IFI16: variants seen among roughly 807,000 people sequenced by gnomAD.
The protein encoded by IFI16 is interferon gamma inducible protein 16.
Under a neutral mutation model 68.4 loss-of-function variants are expected in IFI16, and 49 were observed. The observed-to-expected ratio is 0.72, with a 90% CI of 0.57 to 0.91. The LOEUF (loss-of-function observed/expected upper bound fraction) is 0.91, where lower values mean the gene tolerates loss of function less well. IFI16 is among the 40% of genes least tolerant of loss of function. The pLI is 0.00. For synonymous variants in IFI16, 307 were observed against 315.0 expected, an observed-to-expected ratio of 0.97 and a Z score of 0.27; for missense variants, 878 against 942.9, an observed-to-expected ratio of 0.93 and a Z score of 0.90.
At position 159,052,269 on chromosome 1, in the gene IFI16, G is replaced by A. The variant is rs1655413645; in HGVS notation, c.2085+171G>A. On this transcript the variant is annotated intron_variant, in intron 10 of 11. Transcript: ENST00000295809. Reference sequence around the variant, plus strand: ...GAGTTCATTTCAGGATATGGGGTACGTTATATTGTAACATTCCTCTTCTTA... The same window carrying A: ...GAGTTCATTTCAGGATATGGGGTACATTATATTGTAACATTCCTCTTCTTA... 16 of 592,064 alleles carry A rather than the reference G, an allele frequency of 2.7e-5. No homozygotes were observed. In the East Asian group the frequency reaches 3.3e-4, roughly 12 times the overall value. 36.7% of individuals were successfully genotyped at this position (592,064 alleles called of 1,614,324 possible).
chr1:159,007,349 T>C (rs543548275), upstream of IFI16, among the ~76,000 whole-genome samples: 1 of 152,182 alleles, frequency 6.6e-6, no homozygotes, highest in African/African-American at 2.4e-5. Flanking sequence ...TGTAAAGAAA[T>C]AATGAAGAAA....
chr1:159,049,371 T>A, intron 8 of IFI16, 61 bp from the exon 9 acceptor site: 1 of 819,978 alleles, frequency 1.2e-6, no homozygotes, highest in South Asian at 1.9e-5. Context: ...AAAAGATGTG[T>A]TTCATCTGAT....
chr1:159,052,362 T>G lies in IFI16; in HGVS notation c.2085+264T>G, dbSNP rs2051452. The G allele has an allele frequency of 1.9e-3, 853 of 455,678 alleles. 9 individuals carry two copies. The highest frequency in any genetic ancestry group is 0.014 in the African/African-American group (697 of 51,380). 28.2% of individuals were successfully genotyped at this position (455,678 alleles called of 1,614,324 possible). A position where few individuals can be genotyped will look rare whatever the true frequency, so the allele number is the denominator to read the frequency against. On this transcript the variant is annotated intron_variant, in intron 10 of 11. Coordinates refer to ENST00000295809, the MANE Select transcript of IFI16 (RefSeq NM_001376587.1). Reference sequence around the variant, plus strand: ...TGGCATTTTATTAGTTTTGATGATCTATTCAGAGCCACCCTTGTCCAGGAC... The same window carrying G: ...TGGCATTTTATTAGTTTTGATGATCGATTCAGAGCCACCCTTGTCCAGGAC...
chr1:159,046,297 G>A (rs1211022938), intron 8 of IFI16, among the ~76,000 whole-genome samples: 1 of 151,036 alleles, frequency 6.6e-6, no homozygotes, highest in East Asian at 1.9e-4. Context: ...TAATGTCATG[G>A]CTATTGTAAG....
chr1:159,029,804 C>G (rs1417741604), intron 6 of IFI16, among the ~76,000 whole-genome samples: 1 of 151,808 alleles, frequency 6.6e-6, no homozygotes, highest in African/African-American at 2.4e-5. Flanking sequence ...GCTTAGCCTC[C>G]CAAGTAGCTG....
At chr1:159,025,181 C>G (rs536312012) in intron 6 of IFI16, among the ~76,000 whole-genome samples, 1 of 152,238 alleles carries the variant, frequency 6.6e-6, no homozygotes, top group African/African-American at 2.4e-5. Flanking sequence ...TGACGCCTCC[C>G]GCTCCATTCC....
At position 159,051,817 on chromosome 1, in the gene IFI16, G is replaced by A. The variant is rs1371843953; in HGVS notation, c.1804G>A (p.Ala602Thr). 6.2e-7 allele frequency: 1 copy of A among 1,614,102 alleles called. No individual in the cohort carries two copies. The highest frequency in any genetic ancestry group is 8.5e-7 in the Non-Finnish European group (1 of 1,179,954). Residue 602 changes from alanine (A) to threonine (T), a missense_variant, in exon 10 of 12, where the codon GCC (alanine) becomes ACC (threonine). This residue lies in a region of IFI16 where 311 missense variants were observed against 305.1 expected (regional missense o/e 1.02). Coordinates refer to ENST00000295809, the MANE Select transcript of IFI16 (RefSeq NM_001376587.1). The part of the protein sequence containing the change: ...EPKEQKKMFH[A>T]TVATENEVFR... ...CAAAGAGCAGAAGAAAATGTTTCAT[G>A]CCACAGTGGCAACTGAGAATGAAGT...
intron 6 of IFI16, among the ~76,000 whole-genome samples, chr1:159,026,187 T>C (rs1653656667): frequency 6.8e-6 from 1 of 147,452 alleles, no homozygotes; most frequent in Non-Finnish European, 1.5e-5. Flanking sequence ...TCCATATGAA[T>C]TTTAGGATTT....
At chr1:159,020,248 C>A in intron 5 of IFI16, 93 bp from the exon 6 acceptor site, 1 of 848,168 alleles carries the variant, frequency 1.2e-6, no homozygotes, top group Non-Finnish European at 1.9e-6. Flanking sequence ...TGCTGTTGTG[C>A]ATCTTGTTTA....
chr1:159,013,535 A>C (rs1335842738), intron 1 of IFI16, among the ~76,000 whole-genome samples: 3 of 152,168 alleles, frequency 2.0e-5, no homozygotes, highest in Non-Finnish European at 4.4e-5. Context: ...AAATTAAAAA[A>C]TTCATTAATT....
At chr1:159,049,218 G>T (rs1024574601) in intron 8 of IFI16, among the ~76,000 whole-genome samples, 2 of 148,498 alleles carry the variant, frequency 1.3e-5, no homozygotes, top group African/African-American at 5.1e-5. Flanking sequence ...TGCAATTTCA[G>T]TTATCTGAGT....
intron 7 of IFI16, among the ~76,000 whole-genome samples, chr1:159,043,735 G>A (rs1283668906): frequency 6.6e-6 from 1 of 152,038 alleles, no homozygotes; most frequent in Admixed American, 6.6e-5. Context: ...AACAGGGTAG[G>A]GTAGAGGAGG....
At chr1:159,007,671 G>C (rs1449354460), upstream of IFI16, among the ~76,000 whole-genome samples, 1 of 152,112 alleles carries the variant, frequency 6.6e-6, no homozygotes, top group East Asian at 1.9e-4. Context: ...CTCATAATGT[G>C]ATTAGCACCC....
At chr1:159,046,371 A>G (rs1448915642) in intron 8 of IFI16, among the ~76,000 whole-genome samples, 1 of 151,262 alleles carries the variant, frequency 6.6e-6, no homozygotes, top group South Asian at 2.1e-4. Context: ...AATTGGCCAC[A>G]TTGATGAGTT....
At chr1:159,033,732 A>G (rs1051044723) in intron 7 of IFI16, among the ~76,000 whole-genome samples, 1 of 152,240 alleles carries the variant, frequency 6.6e-6, no homozygotes, top group Non-Finnish European at 1.5e-5. Context: ...ATGCCATGTC[A>G]GTAATTTATT....
At chr1:159,002,911 T>G (rs1265265300), upstream of IFI16, among the ~76,000 whole-genome samples, 3 of 152,182 alleles carry the variant, frequency 2.0e-5, no homozygotes, top group African/African-American at 7.2e-5. Flanking sequence ...ACAGAGCAAA[T>G]GTCCTCACTG....
At chr1:159,042,727 A>C (rs1654731446) in intron 7 of IFI16, among the ~76,000 whole-genome samples, 1 of 152,188 alleles carries the variant, frequency 6.6e-6, no homozygotes, top group Non-Finnish European at 1.5e-5. Flanking sequence ...TTTCTTCCCT[A>C]CTCAGCAATA....
Position 159,020,542 on chromosome 1 carries a change from T to C in IFI16, c.1161+13T>C, listed in dbSNP as rs758261163. On this transcript the variant is annotated intron_variant, in intron 6 of 11. Transcript: ENST00000295809. ...TAGTTTTATCCAGGTAAGAATTAAATAGGCAAATATTAGTTTTCCAAAGTG... is the reference window on the plus strand; with the variant it reads ...TAGTTTTATCCAGGTAAGAATTAAACAGGCAAATATTAGTTTTCCAAAGTG... 6.4e-7 allele frequency: 1 copy of C among 1,556,190 alleles called. No homozygotes were observed. The highest frequency in any genetic ancestry group is 1.2e-5 in the South Asian group (1 of 86,786).
chr1:159,046,043 A>C (rs1654962782), intron 8 of IFI16, among the ~76,000 whole-genome samples: 1 of 151,380 alleles, frequency 6.6e-6, no homozygotes, highest in Non-Finnish European at 1.5e-5. Flanking sequence ...TTTTATTAAT[A>C]TATCTTGAAC....
Sources: gnomAD v4.1 joint callset for allele counts (sites outside exome capture counted in the v4.1 genomes callset) on GRCh38, gnomAD v4.1.1 for gene constraint, gnomAD v4.1.1 regional missense constraint, MANE v1.5 for transcripts, NCBI Gene and HGNC (gene_info 2026-07-23, HGNC 2026-07-21) for gene names.